Variants in MTUS2 observed in about 807,000 individuals in gnomAD.
MTUS2 encodes the protein microtubule-associated tumor suppressor candidate 2.
Under a neutral mutation model 114.1 loss-of-function variants are expected in MTUS2, and 40 were observed. The ratio of observed to expected loss-of-function variants is 0.35; its 90% CI spans 0.27 to 0.46. The LOEUF is 0.46. MTUS2 is among the 20% of genes least tolerant of loss of function. The pLI is 1.00. For missense variants in MTUS2, 1,679 were observed against 1,705.4 expected (o/e 0.98, Z 0.27); for synonymous variants, 688 against 672.0 (o/e 1.02, Z -0.37).
intron 9 of MTUS2, among the ~76,000 whole-genome samples, chr13:29,469,995 G>A (rs1880159637): frequency 6.6e-6 from 1 of 152,048 alleles, no homozygotes; most frequent in African/African-American, 2.4e-5. Flanking sequence ...CCTTTAAAAT[G>A]CCACCTTGAT....
chr13:29,216,456 C>T (rs181342717), intron 5 of MTUS2, among the ~76,000 whole-genome samples: 14 of 152,306 alleles, frequency 9.2e-5, no homozygotes, highest in Non-Finnish European at 1.0e-4. Context: ...TCGGTGTCTT[C>T]CCCAATAGCT....
At chr13:29,389,333 A>ATG (rs1566172377) in intron 8 of MTUS2, among the ~76,000 whole-genome samples, 1 of 55,748 alleles carries the variant, frequency 1.8e-5, no homozygotes, top group Non-Finnish European at 4.0e-5. Context: ...ATGTGTGTAT[A>ATG]TATGTATGCA....
chr13:29,359,565 G>T, intron 8 of MTUS2, 92 bp downstream of exon 8: 1 of 1,412,990 alleles, frequency 7.1e-7, no homozygotes, highest in Non-Finnish European at 9.6e-7. Context: ...GCTGTTTTGG[G>T]TTTGAGTTTT....
rs1306111281 is a variant in MTUS2 at position 29,496,722 on chromosome 13, G to A, written c.3580-516G>A. On this transcript the variant is annotated intron_variant, in intron 12 of 15. Transcript: ENST00000612955. This position sits in a 1 kb window ranked among gnomAD's most constrained non-coding sequence, Gnocchi z 4.3. Reference sequence around the variant, plus strand: ...ACTCTGTGGGTTCTAGGGACATTCAGGAGGCAGGATGGCAGGAGTTGATTA... The same window carrying A: ...ACTCTGTGGGTTCTAGGGACATTCAAGAGGCAGGATGGCAGGAGTTGATTA... Among the ~76,000 whole-genome samples, 1 of 152,194 alleles carries A rather than the reference G, an allele frequency of 6.6e-6. No homozygotes were observed. The highest frequency in any genetic ancestry group is 1.5e-5 in the Non-Finnish European group (1 of 68,036).
At chr13:29,088,150 T>A (rs1171900768) in intron 4 of MTUS2, among the ~76,000 whole-genome samples, 7 of 152,120 alleles carry the variant, frequency 4.6e-5, no homozygotes, top group Non-Finnish European at 1.0e-4. Context: ...GCTTTAGCTG[T>A]GTCCCAGAGA....
At chr13:29,128,609 A>T (rs1891619004) in intron 5 of MTUS2, among the ~76,000 whole-genome samples, 1 of 152,208 alleles carries the variant, frequency 6.6e-6, no homozygotes, top group Non-Finnish European at 1.5e-5. Context: ...AGCAAGGATG[A>T]AAAATATAAT....
intron 4 of MTUS2, among the ~76,000 whole-genome samples, chr13:29,096,530 A>G (rs1242050541): frequency 1.3e-5 from 2 of 152,124 alleles, no homozygotes; most frequent in Admixed American, 6.5e-5. Context: ...TACCTTGTCT[A>G]TGGTTTATTA....
chr13:29,301,805 C>G (rs951779606), intron 6 of MTUS2, among the ~76,000 whole-genome samples: 14 of 152,186 alleles, frequency 9.2e-5, no homozygotes, highest in Admixed American at 7.9e-4. Flanking sequence ...GGCTTATAAA[C>G]AATAAACATT....
chr13:29,159,325 T>C (rs1356485611), intron 5 of MTUS2, among the ~76,000 whole-genome samples: 1 of 152,166 alleles, frequency 6.6e-6, no homozygotes, highest in East Asian at 1.9e-4. Flanking sequence ...CATGTGTGTC[T>C]AGGTGTGTGT....
intron 2 of MTUS2, among the ~76,000 whole-genome samples, chr13:28,934,423 A>G (rs1045261531): frequency 6.6e-6 from 1 of 152,150 alleles, no homozygotes; most frequent in African/African-American, 2.4e-5. Context: ...ACTAAAGGCC[A>G]TCTCTGTGGT....
At chr13:29,007,045 G>T (rs954496776) in intron 2 of MTUS2, among the ~76,000 whole-genome samples, 5 of 152,086 alleles carry the variant, frequency 3.3e-5, no homozygotes, top group Non-Finnish European at 7.4e-5. Flanking sequence ...CGTCCAATCT[G>T]TTGTGTTCCT....
At chr13:29,325,495 G>A (rs1326193047) in intron 7 of MTUS2, among the ~76,000 whole-genome samples, 3 of 142,724 alleles carry the variant, frequency 2.1e-5, no homozygotes, top group Non-Finnish European at 4.6e-5. Flanking sequence ...GAAGAGGGAG[G>A]AGGAGGAGGA....
intron 11 of MTUS2, among the ~76,000 whole-genome samples, chr13:29,491,906 AGT>A (rs540129461): frequency 4.9e-4 from 49 of 99,158 alleles, no homozygotes; most frequent in African/African-American, 1.8e-3. Context: ...CGTGGCGTGT[AGT>A]GTGTGTATGT....
intron 8 of MTUS2, among the ~76,000 whole-genome samples, chr13:29,368,860 G>A (rs1477733388): frequency 1.3e-5 from 2 of 152,188 alleles, no homozygotes; most frequent in Non-Finnish European, 2.9e-5. Flanking sequence ...AGATTCACAG[G>A]AGGGTGTATG....
At chr13:29,255,173 A>T (rs1164456566) in intron 5 of MTUS2, among the ~76,000 whole-genome samples, 1 of 152,354 alleles carries the variant, frequency 6.6e-6, no homozygotes, top group Non-Finnish European at 1.5e-5. Flanking sequence ...CTGGAGGCAG[A>T]TGTAAGCAGA....
intron 6 of MTUS2, among the ~76,000 whole-genome samples, chr13:29,301,169 C>T (rs566702972): frequency 4.9e-4 from 75 of 152,330 alleles, no homozygotes; most frequent in Middle Eastern, 3.4e-3. Flanking sequence ...CCCCCCACCC[C>T]GAACTGTTGG....
chr13:28,997,144 C>A (rs540647941), intron 2 of MTUS2, among the ~76,000 whole-genome samples: 2 of 152,276 alleles, frequency 1.3e-5, no homozygotes, highest in African/African-American at 2.4e-5. Context: ...GCCTTCATTT[C>A]GTTATGTACC....
chr13:29,431,263 C>T (rs187520131), intron 8 of MTUS2, among the ~76,000 whole-genome samples: 10 of 152,198 alleles, frequency 6.6e-5, no homozygotes, highest in Admixed American at 5.9e-4. Context: ...ATTAAGTGAA[C>T]AAATTGTTTA....
intron 4 of MTUS2, among the ~76,000 whole-genome samples, chr13:29,076,995 T>C (rs148197101): frequency 4.6e-5 from 7 of 152,352 alleles, no homozygotes; most frequent in Non-Finnish European, 8.8e-5. Flanking sequence ...TTTTCTATCA[T>C]TGTAATGAAT....
Sources: gnomAD v4.1 joint callset for allele counts (sites outside exome capture counted in the v4.1 genomes callset) on GRCh38, gnomAD v4.1.1 for gene constraint, Gnocchi (gnomAD v3.1) non-coding constraint, MANE v1.5 for transcripts, NCBI Gene and HGNC (gene_info 2026-07-23, HGNC 2026-07-21) for gene names.